The following PZP variants were observed in gnomAD, a reference collection of about 807,000 sequenced individuals.
PZP encodes the protein pregnancy zone protein.
In PZP, 150 loss-of-function variants were observed where a neutral mutation model predicts 179.8. The observed-to-expected ratio is 0.83, with a 90% CI of 0.73 to 0.96. PZP has a LOEUF of 0.96. Among genes scored for constraint, PZP ranks in the 40% least tolerant of loss-of-function variants. The pLI, the probability that PZP is intolerant of heterozygous loss-of-function variation, is 0.00. For synonymous variants in PZP, 624 were observed against 652.3 expected (o/e 0.96, Z 0.66); for missense variants, 1,689 against 1,764.0 (o/e 0.96, Z 0.76).
intron 1 of PZP, among the ~76,000 whole-genome samples, chr12:9,207,780 T>TTACAAC (rs1944511063): frequency 6.6e-6 from 1 of 152,206 alleles, no homozygotes; most frequent in African/African-American, 2.4e-5. Context: ...AATTATTGAG[T>TTACAAC]TGTACCAACT....
chr12:9,175,897 T>C (rs1262646056), intron 15 of PZP, among the ~76,000 whole-genome samples: 1 of 152,166 alleles, frequency 6.6e-6, no homozygotes, highest in Non-Finnish European at 1.5e-5. Flanking sequence ...GAAGAAAGTG[T>C]GGTGATTCCT....
At chr12:9,201,492 G>T (rs1256059751) in intron 4 of PZP, 145 bp from the exon 5 acceptor site, 1 of 601,874 alleles carries the variant, frequency 1.7e-6, no homozygotes, top group East Asian at 2.7e-5. Context: ...AAAAATCTCA[G>T]GGAAATTATT....
In PZP at chr12:9,181,113, G is replaced by T. The variant is rs1942734393; in HGVS notation, c.1709C>A (p.Pro570Gln). The T allele has an allele frequency of 6.2e-7, 1 of 1,613,998 alleles. No homozygotes were observed. The change falls in exon 15 of 36, where the codon CCA (proline) becomes CAA (glutamine). Residue 570 changes from proline (P) to glutamine (Q), a missense_variant. Physicochemically the swap from Pro to Gln is moderately conservative, Grantham distance 76 (BLOSUM62 -1). Transcript: ENST00000261336. ...LANKVDLSFS[P>Q]AQSPPASHAH... is the part of the protein sequence containing the mutation. The stretch of plus-strand genomic sequence containing the variant: ...ATGTGAGGCTGGGGGACTTTGTGCT[G>T]GGCTGAAGCTCAAATCCACCTGTGG...
intron 21 of PZP, 79 bp downstream of exon 21, chr12:9,163,589 A>G: frequency 6.8e-7 from 1 of 1,481,038 alleles, no homozygotes; most frequent in Non-Finnish European, 9.2e-7. Context: ...GCATGATATT[A>G]ATGGTTCTTT....
At chr12:9,198,647 A>G (rs955111675) in intron 7 of PZP, among the ~76,000 whole-genome samples, 1 of 152,188 alleles carries the variant, frequency 6.6e-6, no homozygotes, top group South Asian at 2.1e-4. Flanking sequence ...CACATGTTAT[A>G]TTAGTCCTTT....
rs1217526319 is a variant in PZP at position 9,158,413 on chromosome 12, A to C, written c.3294+7T>G. 1 of 1,613,906 alleles carries C rather than the reference A, an allele frequency of 6.2e-7. No homozygotes were observed. Among genetic ancestry groups the C allele is most frequent in the Non-Finnish European group, 8.5e-7 (1 of 1,179,978 alleles). Reference sequence around the variant, plus strand: ...TGTCAGGCTCAGAAGTTTGTGGAACAGTTCACCTTTATGGCATTGTTGAGC... The same window carrying C: ...TGTCAGGCTCAGAAGTTTGTGGAACCGTTCACCTTTATGGCATTGTTGAGC... On this transcript the variant is annotated splice_region_variant and intron_variant, in intron 26 of 35. Coordinates refer to ENST00000261336, the MANE Select transcript of PZP (RefSeq NM_002864.3).
intron 15 of PZP, among the ~76,000 whole-genome samples, chr12:9,180,447 CAG>C (rs1942682296): frequency 6.6e-6 from 1 of 152,164 alleles, no homozygotes; most frequent in African/African-American, 2.4e-5. Context: ...GGTACCAAAA[CAG>C]AGATATAGAT....
At chr12:9,206,804 A>G (rs1233625407) in intron 1 of PZP, among the ~76,000 whole-genome samples, 1 of 152,130 alleles carries the variant, frequency 6.6e-6, no homozygotes, top group Non-Finnish European at 1.5e-5. Flanking sequence ...ACGTAAAAGG[A>G]TGGTTTCAAT....
chr12:9,186,539 G>C (rs1046924773), intron 13 of PZP, among the ~76,000 whole-genome samples: 1 of 152,088 alleles, frequency 6.6e-6, no homozygotes, highest in Non-Finnish European at 1.5e-5. Flanking sequence ...TGATAGGCTC[G>C]AGATAAAGGA....
chr12:9,182,715 G>C (rs1942849325), intron 13 of PZP, among the ~76,000 whole-genome samples: 1 of 152,162 alleles, frequency 6.6e-6, no homozygotes, highest in African/African-American at 2.4e-5. Context: ...GCAGGGTGAA[G>C]GGCCACCAGG....
In PZP at chr12:9,168,922, C is replaced by A. The variant is rs1307847940; in HGVS notation, c.2054G>T (p.Cys685Phe). The stretch of plus-strand genomic sequence containing the variant: ...TGCAGACACGGAAGGGATGACTGAA[C>A]ACGACTTTGGTTTTCGGATTTTTGA... ...TNSKIRKPKS[C>F]SVIPSVSAGA... Residue 685 changes from cysteine to phenylalanine, a missense_variant, in exon 17 of 36, where the codon TGT becomes TTT. By Grantham distance (205) the Cys-to-Phe change is radical. Transcript: ENST00000261336. The A allele has an allele frequency of 6.2e-7, 1 of 1,614,090 alleles. No homozygotes were observed. The highest frequency in any genetic ancestry group is 1.1e-5 in the South Asian group (1 of 91,078).
rs1941170743 is a variant in PZP, at chr12:9,161,084, G to A, written c.2821C>T (p.Leu941Phe). The change falls in exon 23 of 36, where the codon CTC (leucine) becomes TTC (phenylalanine). Residue 941 changes from leucine (L) to phenylalanine (F), a missense_variant. Transcript: ENST00000261336. ...GATTCTTTGACCACATTTGATGGGA[G>A]CTTCAAGGACAACTGCTCAGACACA... ...ANVSEQLSLKLPSNVVKESAR... is the reference protein window; with the variant it reads ...ANVSEQLSLKFPSNVVKESAR... The A allele has an allele frequency of 6.2e-7, 1 of 1,602,026 alleles. No homozygotes were observed. The highest frequency in any genetic ancestry group is 8.5e-7 in the Non-Finnish European group (1 of 1,170,088).
intron 17 of PZP, 178 bp downstream of exon 17, chr12:9,168,691 T>A: frequency 7.7e-6 from 4 of 517,376 alleles, no homozygotes; most frequent in Non-Finnish European, 6.8e-6. Context: ...TAAAAAAAAA[T>A]CTCTGATCAG....
chr12:9,185,219 A>G (rs1565652009), intron 13 of PZP, among the ~76,000 whole-genome samples: 1 of 152,360 alleles, frequency 6.6e-6, no homozygotes, highest in South Asian at 2.1e-4. Context: ...CAAAATAGCC[A>G]GTATAGAAAA....
intron 4 of PZP, among the ~76,000 whole-genome samples, chr12:9,201,903 T>C (rs192518843): frequency 4.6e-5 from 7 of 152,218 alleles, no homozygotes; most frequent in Admixed American, 4.6e-4. Context: ...GTATAATATA[T>C]TTCTATACTA....
chr12:9,149,171 G>A (rs901612878), intron 35 of PZP, among the ~76,000 whole-genome samples, 177 bp from the exon 36 acceptor site: 2 of 152,214 alleles, frequency 1.3e-5, no homozygotes, highest in African/African-American at 4.8e-5. Context: ...CACAAAGGCA[G>A]CCATAGCCAA....
intron 1 of PZP, among the ~76,000 whole-genome samples, chr12:9,206,394 T>C (rs892018921): frequency 3.3e-5 from 5 of 152,152 alleles, no homozygotes; most frequent in Non-Finnish European, 5.9e-5. Flanking sequence ...TTAACAGATA[T>C]TGAAATCAGA....
the PZP span, among the ~76,000 whole-genome samples, chr12:9,138,777 A>G: frequency 6.6e-6 from 1 of 151,970 alleles, no homozygotes; most frequent in Non-Finnish European, 1.5e-5. Flanking sequence ...ATTAGTTGAC[A>G]TATTTGTTCA....
intron 28 of PZP, chr12:9,156,052 C>A: frequency 4.9e-6 from 1 of 205,572 alleles, no homozygotes; most frequent in Non-Finnish European, 1.0e-5. Flanking sequence ...CTGGTAGTTT[C>A]TGAGATTAGA....
Sources: gnomAD v4.1 joint callset for allele counts (sites outside exome capture counted in the v4.1 genomes callset) on GRCh38, gnomAD v4.1.1 for gene constraint, MANE v1.5 for transcripts, NCBI Gene and HGNC (gene_info 2026-07-23, HGNC 2026-07-21) for gene names.